Variants in PCDHA9 observed in about 807,000 individuals in gnomAD.
PCDHA9 encodes protocadherin alpha 9.
Under a neutral mutation model 62.0 loss-of-function variants are expected in PCDHA9, and 62 were observed. The observed-to-expected ratio is 1.00, with a 90% CI of 0.81 to 1.23. PCDHA9 has a LOEUF of 1.23. PCDHA9 is among the 50% of genes most tolerant of loss of function. PCDHA9 has a pLI of 0.00. For synonymous variants in PCDHA9, 557 were observed against 567.6 expected (o/e 0.98, Z 0.27); for missense variants, 1,205 against 1,249.8 (o/e 0.96, Z 0.54).
intron 1 of PCDHA9, among the ~76,000 whole-genome samples, chr5:140,940,317 A>G (rs782009825): frequency 1.5e-4 from 23 of 152,024 alleles, no homozygotes; most frequent in Non-Finnish European, 2.2e-4. Context: ...CTTTCTTCCA[A>G]TTTTACTAAT....
intron 1 of PCDHA9, among the ~76,000 whole-genome samples, chr5:140,946,631 T>TATATATTATATATATATATATATATACAC (rs57893927): frequency 7.6e-6 from 1 of 131,846 alleles, no homozygotes; most frequent in African/African-American, 3.5e-5. Flanking sequence ...TATATATATA[T>TATATATTATATATATATATATATATACAC]ACAATGGAAT....
At chr5:140,926,178 G>GC (rs1221259064) in intron 1 of PCDHA9, among the ~76,000 whole-genome samples, 2 of 151,700 alleles carry the variant, frequency 1.3e-5, no homozygotes, top group Non-Finnish European at 2.9e-5. Flanking sequence ...AGCGCGGAAA[G>GC]CCCCCCGCAG....
chr5:140,972,733 G>A (rs1037610917), intron 1 of PCDHA9, among the ~76,000 whole-genome samples: 7 of 147,652 alleles, frequency 4.7e-5, no homozygotes, highest in Non-Finnish European at 7.4e-5. Context: ...GCGTAATCCC[G>A]GCTCACTGCA....
chr5:140,914,229 TA>T (rs1253173765), intron 1 of PCDHA9, among the ~76,000 whole-genome samples: 3 of 152,224 alleles, frequency 2.0e-5, no homozygotes, highest in Non-Finnish European at 4.4e-5. Flanking sequence ...GCTCTAATAC[TA>T]TTTGCTTTTT....
At chr5:140,903,403 C>T (rs2070268499) in intron 1 of PCDHA9, among the ~76,000 whole-genome samples, 1 of 152,156 alleles carries the variant, frequency 6.6e-6, no homozygotes, top group Non-Finnish European at 1.5e-5. Flanking sequence ...AACAGTAGTG[C>T]AGTCAGGAAA....
intron 1 of PCDHA9, among the ~76,000 whole-genome samples, chr5:140,955,017 T>G (rs1157818120): frequency 6.6e-6 from 1 of 152,186 alleles, no homozygotes. Context: ...CCAGCACCAT[T>G]TATTAAATAG....
chr5:140,967,842 A>G (rs1239466478), intron 1 of PCDHA9: 1 of 1,614,042 alleles, frequency 6.2e-7, no homozygotes, highest in Non-Finnish European at 8.5e-7. Flanking sequence ...GTGGACGTGA[A>G]TGACAATGCC....
chr5:140,867,485 T>C (rs1329188157), intron 1 of PCDHA9: 1 of 152,044 alleles, frequency 6.6e-6, no homozygotes, highest in Non-Finnish European at 1.5e-5. Context: ...AAAGAGTAAA[T>C]ATGAAAAAAG....
intron 1 of PCDHA9, chr5:140,875,414 C>T: frequency 6.6e-7 from 1 of 1,508,510 alleles, no homozygotes; most frequent in Non-Finnish European, 8.8e-7. Context: ...CATAAAATAC[C>T]TCAGGCAAGC....
chr5:140,906,761 A>G (rs896512633), intron 1 of PCDHA9, among the ~76,000 whole-genome samples: 2 of 152,204 alleles, frequency 1.3e-5, no homozygotes, highest in Non-Finnish European at 2.9e-5. Flanking sequence ...GGTAATACTA[A>G]GAGACACCCT....
intron 1 of PCDHA9, chr5:140,856,501 T>C (rs781967300): frequency 6.3e-7 from 1 of 1,598,302 alleles, no homozygotes; most frequent in Admixed American, 1.7e-5. Flanking sequence ...ACTCTCGATT[T>C]CCACTAGAAG....
chr5:140,929,234 G>A (rs781843995), intron 1 of PCDHA9: 1 of 1,613,838 alleles, frequency 6.2e-7, no homozygotes, highest in Non-Finnish European at 8.5e-7. Flanking sequence ...GCCGACCTGC[G>A]AAATCTTGCC....
intron 1 of PCDHA9, among the ~76,000 whole-genome samples, chr5:140,935,347 T>C (rs886241397): frequency 1.3e-5 from 2 of 152,180 alleles, no homozygotes; most frequent in African/African-American, 4.8e-5. Flanking sequence ...ATACGTCAAA[T>C]CCCAGTTTTC....
At chr5:140,936,185 G>A (rs563044758) in intron 1 of PCDHA9, among the ~76,000 whole-genome samples, 10 of 152,060 alleles carry the variant, frequency 6.6e-5, no homozygotes, top group Non-Finnish European at 1.0e-4. Context: ...AAACCACCAC[G>A]CCCAGCCAAA....
intron 1 of PCDHA9, among the ~76,000 whole-genome samples, chr5:140,912,042 A>G (rs782622902): frequency 6.6e-6 from 1 of 152,216 alleles, no homozygotes; most frequent in African/African-American, 2.4e-5. Flanking sequence ...CCAAGTCCCA[A>G]AGCTGAAGAA....
chr5:140,871,473 A>G, intron 1 of PCDHA9: 2 of 1,600,218 alleles, frequency 1.2e-6, no homozygotes, highest in African/African-American at 1.3e-5. Flanking sequence ...GACAGGAGCC[A>G]GGGTCAAATC....
At chr5:140,916,929 G>A (rs2077785456) in intron 1 of PCDHA9, among the ~76,000 whole-genome samples, 1 of 152,214 alleles carries the variant, frequency 6.6e-6, no homozygotes, top group African/African-American at 2.4e-5. Context: ...GAGCACTTAA[G>A]CATATAGTGG....
intron 1 of PCDHA9, chr5:140,856,914 G>A (rs1554149290): frequency 1.3e-6 from 2 of 1,596,230 alleles, no homozygotes; most frequent in East Asian, 4.5e-5. Flanking sequence ...CCCACGATAA[G>A]AAGGAAATTT....
At chr5:140,903,351 A>G (rs2070226814) in intron 1 of PCDHA9, among the ~76,000 whole-genome samples, 1 of 152,236 alleles carries the variant, frequency 6.6e-6, no homozygotes, top group Non-Finnish European at 1.5e-5. Context: ...TTTAAAAAAC[A>G]AGTTTTTCAA....
Sources: gnomAD v4.1 joint callset for allele counts (sites outside exome capture counted in the v4.1 genomes callset) on GRCh38, gnomAD v4.1.1 for gene constraint, MANE v1.5 for transcripts, NCBI Gene and HGNC (gene_info 2026-07-23, HGNC 2026-07-21) for gene names.